TARDBP: variants seen among roughly 807,000 people sequenced by gnomAD.
TARDBP encodes TAR DNA binding protein.
A neutral mutation model predicts 38.3 loss-of-function variants in TARDBP; 4 were observed. The ratio of observed to expected loss-of-function variants is 0.10; its 90% confidence interval spans 0.05 to 0.24. The LOEUF (loss-of-function observed/expected upper bound fraction) is 0.24. TARDBP is among the 10% of genes least tolerant of loss of function. The pLI, the probability that TARDBP is intolerant of heterozygous loss-of-function variation, is 1.00. For synonymous variants in TARDBP, 184 were observed against 183.8 expected, an observed-to-expected ratio of 1.00 and a Z score of -0.01; for missense variants, 202 against 521.9, an observed-to-expected ratio of 0.39 and a Z score of 5.97.
chr1:11,018,197 T>A (rs1245484353), intron 3 of TARDBP, among the ~76,000 whole-genome samples: 1 of 151,760 alleles, frequency 6.6e-6, no homozygotes, highest in African/African-American at 2.4e-5. Flanking sequence ...TTTTTTCTTT[T>A]CTTTTTGGAG....
intron 2 of TARDBP, chr1:11,016,064 A>G (rs1643517914): frequency 6.6e-6 from 1 of 152,146 alleles, no homozygotes; most frequent in African/African-American, 2.4e-5. Context: ...CAGCCTCCCA[A>G]GTAGCTGGGA....
intron 2 of TARDBP, among the ~76,000 whole-genome samples, chr1:11,015,848 A>G (rs1023512564): frequency 2.0e-5 from 3 of 151,068 alleles, no homozygotes; most frequent in African/African-American, 7.3e-5. Flanking sequence ...GGTTCAAGCA[A>G]TTCTCTGCCT....
In TARDBP at chr1:11,012,775, C is replaced by T. The variant is rs562873166; in HGVS notation, c.-13+32C>T. On this transcript the variant is annotated intron_variant, in intron 1 of 5. Transcript: ENST00000240185. ...CGCGGAGCCTTCTCACTGAGGACGC[C>T]GTAGGTGCCTCGGCTTCTGCATTGG... 7 of 152,466 alleles carry T rather than the reference C, an allele frequency of 4.6e-5. No homozygotes were observed. The East Asian group carries it at 5.8e-4, about 13-fold the overall frequency. 9.4% of individuals were successfully genotyped at this position (152,466 alleles called of 1,614,324 possible). A position where few individuals can be genotyped will look rare whatever the true frequency, so the allele number is the denominator to read the frequency against.
At chr1:11,013,618 C>T (rs920782656) in intron 1 of TARDBP, 98 bp from the exon 2 acceptor site, 28 of 1,028,314 alleles carry the variant, frequency 2.7e-5, no homozygotes, top group Middle Eastern at 2.0e-4. Flanking sequence ...AAGCATTTTT[C>T]TGGAAGTCAG....
downstream of TARDBP, chr1:11,026,302 T>C (rs1323393824): frequency 6.6e-6 from 1 of 152,280 alleles, no homozygotes; most frequent in Non-Finnish European, 1.5e-5. Context: ...TTATGTTGTC[T>C]TTAACAATGT....
chr1:11,026,916 G>A, downstream of TARDBP: 1 of 1,497,202 alleles, frequency 6.7e-7, no homozygotes, highest in Non-Finnish European at 8.9e-7. Context: ...CTCGATCCAG[G>A]GAATATAGTT....
chr1:11,028,697 G>GTTTTTTTTT (rs1208974169), downstream of TARDBP, among the ~76,000 whole-genome samples: 22 of 36,162 alleles, frequency 6.1e-4, 1 homozygote, highest in African/African-American at 2.3e-3. Flanking sequence ...ATCTTTCTGG[G>GTTTTTTTTT]TTTTTTTTCT....
Position 11,013,889 on chromosome 1 carries a change from C to A in TARDBP, c.162C>A (p.Val54=). The part of the protein sequence containing the change: ...RNPVSQCMRG[V]RLVEGILHAP... ...CAGTGTCTCAGTGTATGAGAGGTGTCCGGCTGGTAGAAGGAATTCTGCATG... is the reference window on the plus strand; with the variant it reads ...CAGTGTCTCAGTGTATGAGAGGTGTACGGCTGGTAGAAGGAATTCTGCATG... The change falls in exon 2 of 6, where the codon GTC becomes GTA. Residue 54 remains valine, a synonymous_variant. Coordinates refer to ENST00000240185, the MANE Select transcript of TARDBP (RefSeq NM_007375.4). 6.2e-7 allele frequency: 1 copy of A among 1,614,160 alleles called. No individual in the cohort carries two copies. Among genetic ancestry groups the A allele is most frequent in the Non-Finnish European group, 8.5e-7 (1 of 1,180,026 alleles).
intron 2 of TARDBP, 93 bp downstream of exon 2, chr1:11,014,058 C>A: frequency 8.0e-7 from 1 of 1,256,652 alleles, no homozygotes; most frequent in Non-Finnish European, 1.2e-6. Context: ...GGCAGAATGT[C>A]TCCTGAAACT....
At position 11,024,265 on chromosome 1, in the gene TARDBP, C is replaced by T. The variant is rs1643690468; in HGVS notation, c.*1611C>T. 1 of 152,308 alleles carries T rather than the reference C, an allele frequency of 6.6e-6. No homozygotes were observed. The highest frequency in any genetic ancestry group is 1.5e-5 in the Non-Finnish European group (1 of 68,004). The allele number at this position is 152,308 out of a possible 1,614,324, so 9.4% of individuals were successfully genotyped here. ...TAATTGGTATTTGTTCTTGCATTGG[C>T]CAAAGTGAAAATTTTTTTTTTTCTT... is the stretch of plus-strand genomic sequence containing the variant. On this transcript the variant is annotated 3_prime_UTR_variant, in exon 6 of 6. Transcript: ENST00000240185.
At chr1:11,013,034 G>A (rs1004854122) in intron 1 of TARDBP, among the ~76,000 whole-genome samples, 2 of 152,226 alleles carry the variant, frequency 1.3e-5, no homozygotes, top group African/African-American at 4.8e-5. Context: ...TTCGAGGGAC[G>A]CTGCCAGCTT....
In TARDBP at chr1:11,022,681, A is replaced by G; in HGVS notation, c.*27A>G. The stretch of plus-strand genomic sequence containing the variant: ...CAGTGGGGTTGTGGTTGGTTGGTAT[A>G]GAATGGTGGGAATTCAAATTTTTCT... On this transcript the variant is annotated 3_prime_UTR_variant, in exon 6 of 6. Transcript: ENST00000240185. The surrounding 1 kb of genome is among the most constrained non-coding windows in gnomAD (Gnocchi z 4.5). 6.3e-7 allele frequency: 1 copy of G among 1,598,748 alleles called. No individual in the cohort carries two copies. The highest frequency in any genetic ancestry group is 8.5e-7 in the Non-Finnish European group (1 of 1,173,258).
downstream of TARDBP, chr1:11,026,876 A>G: frequency 6.8e-7 from 1 of 1,475,058 alleles, no homozygotes; most frequent in South Asian, 1.5e-5. Context: ...TTGACTGCAG[A>G]CACGCAAGTT....
At chr1:11,014,373 G>A (rs370618497) in intron 2 of TARDBP, among the ~76,000 whole-genome samples, 11 of 152,164 alleles carry the variant, frequency 7.2e-5, no homozygotes, top group African/African-American at 2.4e-4. Flanking sequence ...GCAAACAGTT[G>A]GAGTAGCCAA....
At chr1:11,019,427 A>G (rs1382731862) in intron 4 of TARDBP, among the ~76,000 whole-genome samples, 1 of 152,186 alleles carries the variant, frequency 6.6e-6, no homozygotes, top group African/African-American at 2.4e-5. Context: ...TAGATACACA[A>G]ATACTTACCA....
intron 3 of TARDBP, 88 bp downstream of exon 3, chr1:11,017,095 C>T: frequency 1.4e-6 from 2 of 1,439,368 alleles, no homozygotes; most frequent in South Asian, 2.3e-5. Flanking sequence ...GATGGGGTAT[C>T]ACTATGTTCC....
downstream of TARDBP, chr1:11,030,216 C>T (rs751592792): frequency 5.0e-5 from 81 of 1,613,420 alleles, no homozygotes; most frequent in Middle Eastern, 1.6e-4. Flanking sequence ...CTTTGGAGCT[C>T]GTCCAGAATC....
At chr1:11,026,805 A>T (rs1046155060), downstream of TARDBP, 24 of 1,249,904 alleles carry the variant, frequency 1.9e-5, no homozygotes, top group Admixed American at 6.7e-4. Context: ...GTAATGATGA[A>T]TGCTTCTCGA....
chr1:11,030,279 T>TG, downstream of TARDBP: 6 of 1,501,378 alleles, frequency 4.0e-6, no homozygotes, highest in Non-Finnish European at 5.6e-6. Context: ...GCAAAAATGT[T>TG]TAACTGCATG....
Sources: allele counts gnomAD v4.1 joint callset (sites outside exome capture counted in the v4.1 genomes callset), GRCh38; gene constraint gnomAD v4.1.1; non-coding constraint Gnocchi (gnomAD v3.1); transcripts MANE v1.5; gene names NCBI Gene and HGNC (gene_info 2026-07-23, HGNC 2026-07-21).